Variants in ASTN2 observed in about 807,000 individuals in gnomAD.
The protein encoded by ASTN2 is astrotactin-2.
Under a neutral mutation model 139.8 loss-of-function variants are expected in ASTN2, and 54 were observed. That is an observed-to-expected ratio of 0.39 (90% CI 0.31 to 0.48). The LOEUF (loss-of-function observed/expected upper bound fraction) is 0.48. ASTN2 is among the 20% of genes least tolerant of loss of function. The pLI is 0.95. For synonymous variants in ASTN2, 756 were observed against 719.5 expected, an observed-to-expected ratio of 1.05 and a Z score of -0.81; for missense variants, 1,565 against 1,725.1, an observed-to-expected ratio of 0.91 and a Z score of 1.64.
chr9:117,194,407 C>T (rs1311327261), intron 3 of ASTN2, among the ~76,000 whole-genome samples: 1 of 152,186 alleles, frequency 6.6e-6, no homozygotes, highest in African/African-American at 2.4e-5. Context: ...ACTGTGAAAT[C>T]AATTCAGTGG....
intron 2 of ASTN2, chr9:117,277,359 G>C (rs1268300778): frequency 6.6e-6 from 1 of 152,090 alleles, no homozygotes; most frequent in Non-Finnish European, 1.5e-5. Flanking sequence ...TTTTGTTGTT[G>C]GTAGTGGTAG....
At chr9:116,774,626 T>C (rs1481027260) in intron 13 of ASTN2, among the ~76,000 whole-genome samples, 1 of 152,148 alleles carries the variant, frequency 6.6e-6, no homozygotes, top group Non-Finnish European at 1.5e-5. Context: ...CTTTGGTGGA[T>C]TTGATCCCTG....
At chr9:117,226,746 T>C (rs569826230) in intron 2 of ASTN2, among the ~76,000 whole-genome samples, 1 of 152,320 alleles carries the variant, frequency 6.6e-6, no homozygotes, top group Non-Finnish European at 1.5e-5. Context: ...GACACACATT[T>C]GGCTCCAGAA....
At chr9:117,355,870 T>G (rs971472963) in intron 1 of ASTN2, among the ~76,000 whole-genome samples, 1 of 152,130 alleles carries the variant, frequency 6.6e-6, no homozygotes, top group African/African-American at 2.4e-5. Flanking sequence ...AGTAAAGTGG[T>G]CAATGGCATG....
At chr9:117,378,750 C>T (rs201339980) in intron 1 of ASTN2, among the ~76,000 whole-genome samples, 2 of 152,192 alleles carry the variant, frequency 1.3e-5, no homozygotes, top group East Asian at 1.9e-4. Context: ...CCTTCCTACT[C>T]ATCAAGGGGA....
intron 7 of ASTN2, among the ~76,000 whole-genome samples, chr9:116,995,321 TATAA>T (rs1443641138): frequency 1.3e-5 from 2 of 152,214 alleles, no homozygotes; most frequent in Non-Finnish European, 2.9e-5. Flanking sequence ...CTCTTTGTAT[TATAA>T]ATAAAGAATA....
At chr9:117,329,816 A>C (rs1828643774) in intron 1 of ASTN2, among the ~76,000 whole-genome samples, 1 of 152,188 alleles carries the variant, frequency 6.6e-6, no homozygotes, top group Non-Finnish European at 1.5e-5. Context: ...TGTTCCAGGA[A>C]CTGGGCTTGA....
chr9:116,706,554 G>A (rs879456111), intron 16 of ASTN2, among the ~76,000 whole-genome samples: 2 of 152,026 alleles, frequency 1.3e-5, no homozygotes, highest in Non-Finnish European at 2.9e-5. Flanking sequence ...AAAGCCTCGT[G>A]TGAGTGATAA....
chr9:117,319,997 C>A (rs1347757571), intron 1 of ASTN2, among the ~76,000 whole-genome samples: 1 of 152,148 alleles, frequency 6.6e-6, no homozygotes, highest in Non-Finnish European at 1.5e-5. Flanking sequence ...TTTAAATGAA[C>A]TTTATGGTTC....
chr9:117,044,100 T>A (rs1838664243), intron 5 of ASTN2, among the ~76,000 whole-genome samples: 1 of 152,118 alleles, frequency 6.6e-6, no homozygotes, highest in Non-Finnish European at 1.5e-5. Flanking sequence ...TGGCACATAG[T>A]AGGCCCTTGG....
At chr9:117,048,475 G>A (rs886382222) in intron 5 of ASTN2, among the ~76,000 whole-genome samples, 2 of 152,310 alleles carry the variant, frequency 1.3e-5, no homozygotes, top group Admixed American at 6.5e-5. Flanking sequence ...GACAAAGACC[G>A]TTTCTATAGT....
At chr9:116,478,378 A>C (rs1270078383) in intron 20 of ASTN2, among the ~76,000 whole-genome samples, 1 of 152,182 alleles carries the variant, frequency 6.6e-6, no homozygotes, top group African/African-American at 2.4e-5. Context: ...AAGCCAGAAC[A>C]GAGCAGCACA....
At chr9:117,144,336 G>A (rs1450589738) in intron 3 of ASTN2, among the ~76,000 whole-genome samples, 3 of 152,130 alleles carry the variant, frequency 2.0e-5, no homozygotes, top group South Asian at 4.1e-4. Flanking sequence ...TCTGAAATCC[G>A]AAATGTTCCA....
chr9:116,783,727 T>C (rs1422534121), intron 13 of ASTN2, among the ~76,000 whole-genome samples: 1 of 152,090 alleles, frequency 6.6e-6, no homozygotes, highest in East Asian at 1.9e-4. Flanking sequence ...CTGCCTAAAC[T>C]GTGTAGAAGG....
At chr9:116,567,348 T>C (rs779079138) in intron 19 of ASTN2, among the ~76,000 whole-genome samples, 1 of 152,196 alleles carries the variant, frequency 6.6e-6, no homozygotes, top group Non-Finnish European at 1.5e-5. Context: ...TCTGTCTCTC[T>C]GGGTGGCACC....
rs549163904 is a variant in ASTN2 at position 116,701,509 on chromosome 9, A to G, written c.2806+24262T>C. ...TGTCAGTGGGGGACTTGCTGAGGCA[A>G]TAACAGTGGCTCAGGCCTTTGGCAC... is the stretch of plus-strand genomic sequence containing the variant. On this transcript the variant is annotated intron_variant, in intron 16 of 22. Transcript: ENST00000313400. Among the ~76,000 whole-genome samples the G allele has an allele frequency of 2.6e-5, 4 of 152,344 alleles. No individual in the cohort carries two copies. The South Asian group carries it at 6.2e-4, about 24-fold the overall frequency.
intron 3 of ASTN2, among the ~76,000 whole-genome samples, chr9:117,148,788 G>A (rs12552667): frequency 6.6e-6 from 1 of 152,008 alleles, no homozygotes; most frequent in African/African-American, 2.4e-5. Context: ...TTGGAGTAAA[G>A]CAGAACATTC....
chr9:117,125,407 A>G (rs1564438596), intron 4 of ASTN2, among the ~76,000 whole-genome samples: 1 of 152,198 alleles, frequency 6.6e-6, no homozygotes, highest in Non-Finnish European at 1.5e-5. Flanking sequence ...GCAGCTGCTC[A>G]TATTAGCAAT....
chr9:116,822,367 C>T (rs572699874), intron 11 of ASTN2, among the ~76,000 whole-genome samples: 1 of 152,236 alleles, frequency 6.6e-6, no homozygotes, highest in East Asian at 1.9e-4. Flanking sequence ...AAAACTGCTG[C>T]ATTTTGTGCT....
Sources: gnomAD v4.1 joint callset for allele counts (sites outside exome capture counted in the v4.1 genomes callset) on GRCh38, gnomAD v4.1.1 for gene constraint, MANE v1.5 for transcripts, NCBI Gene and HGNC (gene_info 2026-07-23, HGNC 2026-07-21) for gene names.